The following ZBTB8A variants were observed in gnomAD, a reference collection of about 807,000 sequenced individuals.
ZBTB8A encodes the protein zinc finger and BTB domain containing 8A.
Under a neutral mutation model 37.8 loss-of-function variants are expected in ZBTB8A, and 19 were observed. That is an observed-to-expected ratio of 0.50 (90% CI 0.35 to 0.74). The LOEUF (loss-of-function observed/expected upper bound fraction) is 0.74. ZBTB8A is among the 30% of genes least tolerant of loss of function. The pLI is 0.01. For missense variants in ZBTB8A, 394 were observed against 537.8 expected, an observed-to-expected ratio of 0.73 and a Z score of 2.65; for synonymous variants, 181 against 185.2, an observed-to-expected ratio of 0.98 and a Z score of 0.19.
intron 2 of ZBTB8A, among the ~76,000 whole-genome samples, chr1:32,572,395 G>T (rs1443078118): frequency 2.7e-5 from 4 of 147,848 alleles, no homozygotes; most frequent in Non-Finnish European, 3.0e-5. Flanking sequence ...CTTGTATTAG[G>T]TTTTTTTTTT....
intron 1 of ZBTB8A, among the ~76,000 whole-genome samples, chr1:32,547,432 C>T (rs1262960990): frequency 7.0e-6 from 1 of 142,182 alleles, no homozygotes; most frequent in Non-Finnish European, 1.5e-5. Flanking sequence ...TTGCTCACTG[C>T]AGCCTCGAAC....
intron 2 of ZBTB8A, among the ~76,000 whole-genome samples, chr1:32,578,629 C>T (rs1014613735): frequency 1.3e-5 from 2 of 151,842 alleles, no homozygotes; most frequent in African/African-American, 4.8e-5. Context: ...CTAACTCTAG[C>T]ATCTCTTTCA....
intron 2 of ZBTB8A, among the ~76,000 whole-genome samples, chr1:32,563,700 T>A (rs1644260253): frequency 6.6e-6 from 1 of 152,282 alleles, no homozygotes; most frequent in African/African-American, 2.4e-5. Flanking sequence ...CTCGAACTCC[T>A]GACCTCGGGT....
At chr1:32,563,906 A>G in intron 2 of ZBTB8A, among the ~76,000 whole-genome samples, 1 of 152,168 alleles carries the variant, frequency 6.6e-6, no homozygotes, top group East Asian at 1.9e-4. Flanking sequence ...CTGAGACAAA[A>G]CATTAAAGAG....
chr1:32,581,093 T>C (rs541479919), intron 2 of ZBTB8A, among the ~76,000 whole-genome samples: 2 of 114,604 alleles, frequency 1.7e-5, no homozygotes, highest in South Asian at 2.5e-4. Context: ...ATATAGATAA[T>C]ATATTAAATA....
rs1176704291 is a variant in ZBTB8A at position 32,592,816 on chromosome 1, C to T, written c.-1-115C>T. 4.6e-6 allele frequency: 4 copies of T among 860,680 alleles called. No homozygotes were observed. The South Asian group carries it at 7.3e-5, about 16-fold the overall frequency. 53.3% of individuals were successfully genotyped at this position (860,680 alleles called of 1,614,324 possible). On this transcript the variant is annotated intron_variant, in intron 2 of 4. Transcript: ENST00000373510. ...AGCCACTGTGCCCAGCCACAGTGAG[C>T]TTTGATCACACCACTGCACTGCAGC...
intron 1 of ZBTB8A, among the ~76,000 whole-genome samples, chr1:32,546,451 A>AAAAT (rs202217136): frequency 5.3e-5 from 8 of 151,514 alleles, no homozygotes; most frequent in Middle Eastern, 3.4e-3. Flanking sequence ...CTCAAAAAAA[A>AAAAT]AAATAAATAA....
intron 1 of ZBTB8A, among the ~76,000 whole-genome samples, chr1:32,548,885 ATTG>A: frequency 6.6e-6 from 1 of 152,084 alleles, no homozygotes; most frequent in Non-Finnish European, 1.5e-5. Context: ...CCATGCTCTC[ATTG>A]ATAAAAAGAA....
intron 2 of ZBTB8A, among the ~76,000 whole-genome samples, chr1:32,572,359 T>C (rs1318810155): frequency 2.0e-5 from 3 of 151,946 alleles, no homozygotes; most frequent in African/African-American, 7.2e-5. Flanking sequence ...GTTTGATATA[T>C]GGCTATTCAG....
chr1:32,581,682 G>C (rs770777436), intron 2 of ZBTB8A, among the ~76,000 whole-genome samples: 14 of 152,080 alleles, frequency 9.2e-5, no homozygotes, highest in Non-Finnish European at 1.6e-4. Context: ...CATTGTATTA[G>C]TTTGTTCTCA....
At chr1:32,594,995 T>C (rs1235843517) in intron 3 of ZBTB8A, 59 bp from the exon 4 acceptor site, 1 of 1,438,176 alleles carries the variant, frequency 7.0e-7, no homozygotes, top group Non-Finnish European at 9.4e-7. Flanking sequence ...ATTGGATTCT[T>C]TCTGTTATTA....
chr1:32,586,342 T>C (rs1391077665), intron 2 of ZBTB8A, among the ~76,000 whole-genome samples: 1 of 152,114 alleles, frequency 6.6e-6, no homozygotes, highest in African/African-American at 2.4e-5. Context: ...TATTTCCTTA[T>C]GTGTTTTAAC....
chr1:32,596,532 G>A (rs1483748863), intron 4 of ZBTB8A, among the ~76,000 whole-genome samples: 1 of 152,104 alleles, frequency 6.6e-6, no homozygotes, highest in Non-Finnish European at 1.5e-5. Flanking sequence ...AGTGAGCTGA[G>A]ATCGCGCCAC....
rs1017547124 is a variant in ZBTB8A, at chr1:32,604,266, A to G, written c.*3847A>G. ...TGGACTAGACCTGCAGTTTAAAATA[A>G]TTTAACCCGAGAAACTCTTCAAATG... is the stretch of plus-strand genomic sequence containing the variant. On this transcript the variant is annotated 3_prime_UTR_variant, in exon 5 of 5. Coordinates refer to ENST00000373510, the MANE Select transcript of ZBTB8A (RefSeq NM_001040441.3). The G allele has an allele frequency of 2.4e-4, 37 of 152,298 alleles. No homozygotes were observed. The highest frequency in any genetic ancestry group is 8.4e-4 in the African/African-American group (35 of 41,548). 9.4% of individuals were successfully genotyped at this position (152,298 alleles called of 1,614,324 possible).
At chr1:32,539,718 C>G (rs1330319378) in intron 1 of ZBTB8A, 146 bp downstream of exon 1, 1 of 147,284 alleles carries the variant, frequency 6.8e-6, no homozygotes, top group African/African-American at 2.4e-5. Flanking sequence ...CCAGACGTCC[C>G]CGGGCCGGGA....
At chr1:32,568,528 A>G (rs1644301943) in intron 2 of ZBTB8A, among the ~76,000 whole-genome samples, 1 of 151,842 alleles carries the variant, frequency 6.6e-6, no homozygotes, top group South Asian at 2.1e-4. Context: ...CTGGGACTGC[A>G]GGCGCCCGCC....
intron 1 of ZBTB8A, among the ~76,000 whole-genome samples, chr1:32,545,584 C>A (rs1570306640): frequency 6.6e-6 from 1 of 152,148 alleles, no homozygotes; most frequent in Non-Finnish European, 1.5e-5. Flanking sequence ...TGCCTCAGAA[C>A]CCCCAAAACT....
intron 2 of ZBTB8A, among the ~76,000 whole-genome samples, chr1:32,563,649 T>C (rs773228598): frequency 4.6e-5 from 7 of 151,978 alleles, no homozygotes; most frequent in Non-Finnish European, 8.8e-5. Context: ...GTGTGTGTCT[T>C]TTTAGTAGAG....
chr1:32,588,472 A>G (rs879511540), intron 2 of ZBTB8A, among the ~76,000 whole-genome samples: 4 of 152,004 alleles, frequency 2.6e-5, no homozygotes, highest in Non-Finnish European at 4.4e-5. Flanking sequence ...CTGAGACCCA[A>G]TACATTCCAA....
Sources: allele counts gnomAD v4.1 joint callset (sites outside exome capture counted in the v4.1 genomes callset), GRCh38; gene constraint gnomAD v4.1.1; transcripts MANE v1.5; gene names NCBI Gene and HGNC (gene_info 2026-07-23, HGNC 2026-07-21).